CSNK2A2IP: variants seen among roughly 807,000 people sequenced by gnomAD.
The protein encoded by CSNK2A2IP is casein kinase II subunit alpha'-interacting protein.
the CSNK2A2IP span, among the ~76,000 whole-genome samples, chr3:88,385,671 G>A: frequency 6.6e-6 from 1 of 152,176 alleles, no homozygotes; most frequent in Non-Finnish European, 1.5e-5. Context: ...GGTAAAGCAA[G>A]CAAGGGAAAT....
At chr3:88,418,463 T>TGCGCGCGCGCGCGCGC in the CSNK2A2IP span, among the ~76,000 whole-genome samples, 1 of 149,536 alleles carries the variant, frequency 6.7e-6, no homozygotes, top group African/African-American at 2.5e-5. Flanking sequence ...TGTGTGTGTG[T>TGCGCGCGCGCGCGCGC]GCGCGCGGGC....
chr3:88,442,702 G>A, the CSNK2A2IP span, among the ~76,000 whole-genome samples: 4 of 151,898 alleles, frequency 2.6e-5, no homozygotes, highest in Non-Finnish European at 2.9e-5. Flanking sequence ...ATCTTCCCAA[G>A]ATCATAGAGC....
chr3:88,390,988 T>C, the CSNK2A2IP span, among the ~76,000 whole-genome samples: 2 of 152,344 alleles, frequency 1.3e-5, no homozygotes, highest in East Asian at 3.9e-4. Context: ...TGTTCTAGAA[T>C]CAAACTTCCC....
chr3:88,458,141 G>GGTTTTTTTTTTTTTTT, the CSNK2A2IP span, among the ~76,000 whole-genome samples: 3 of 83,304 alleles, frequency 3.6e-5, 1 homozygote, highest in African/African-American at 1.1e-4. Flanking sequence ...TGTAATTGTG[G>GGTTTTTTTTTTTTTTT]TTTTTTTTTT....
At chr3:88,462,652 C>A in the CSNK2A2IP span, among the ~76,000 whole-genome samples, 1 of 152,022 alleles carries the variant, frequency 6.6e-6, no homozygotes. Context: ...GTCTTGGTGT[C>A]TAAATGGCTT....
At chr3:88,376,050 A>C in the CSNK2A2IP span, among the ~76,000 whole-genome samples, 6 of 151,680 alleles carry the variant, frequency 4.0e-5, no homozygotes, top group Non-Finnish European at 7.4e-5. Context: ...GGCTGACCAA[A>C]ATCTATTCTT....
the CSNK2A2IP span, among the ~76,000 whole-genome samples, chr3:88,353,876 G>C: frequency 2.0e-5 from 3 of 152,128 alleles, no homozygotes; most frequent in East Asian, 5.8e-4. Flanking sequence ...CTGTGATATA[G>C]TTTGGATATT....
the CSNK2A2IP span, among the ~76,000 whole-genome samples, chr3:88,427,931 C>T: frequency 1.3e-5 from 2 of 152,104 alleles, no homozygotes; most frequent in Non-Finnish European, 2.9e-5. Flanking sequence ...GGGCCACCAT[C>T]CCCCAGACCC....
chr3:88,431,003 A>T, the CSNK2A2IP span, among the ~76,000 whole-genome samples: 1 of 152,318 alleles, frequency 6.6e-6, no homozygotes, highest in South Asian at 2.1e-4. Context: ...TAATAAAACT[A>T]AGACTTCGAA....
the CSNK2A2IP span, among the ~76,000 whole-genome samples, chr3:88,381,216 A>C: frequency 6.6e-6 from 1 of 152,190 alleles, no homozygotes; most frequent in Non-Finnish European, 1.5e-5. Context: ...CTAGCCAAAA[A>C]ATGTGTTCCT....
chr3:88,394,240 T>G, the CSNK2A2IP span, among the ~76,000 whole-genome samples: 9 of 152,236 alleles, frequency 5.9e-5, no homozygotes, highest in Non-Finnish European at 1.3e-4. Context: ...TTTTCCAAAG[T>G]GAATGTACCA....
chr3:88,439,419 G>C, the CSNK2A2IP span, among the ~76,000 whole-genome samples: 5 of 151,856 alleles, frequency 3.3e-5, no homozygotes, highest in African/African-American at 1.2e-4. Context: ...TTATGGATTG[G>C]TTTGGTTTCA....
At chr3:88,439,239 C>T in the CSNK2A2IP span, among the ~76,000 whole-genome samples, 6 of 152,108 alleles carry the variant, frequency 3.9e-5, no homozygotes, top group Non-Finnish European at 2.9e-5. Flanking sequence ...TAATGTGATG[C>T]CTTGTTAATA....
At chr3:88,354,966 A>C in the CSNK2A2IP span, among the ~76,000 whole-genome samples, 1 of 152,170 alleles carries the variant, frequency 6.6e-6, no homozygotes, top group Non-Finnish European at 1.5e-5. Flanking sequence ...GAGAATAAAA[A>C]GGGCAGAGAG....
the CSNK2A2IP span, among the ~76,000 whole-genome samples, chr3:88,393,366 A>G: frequency 1.3e-5 from 2 of 152,204 alleles, no homozygotes; most frequent in Non-Finnish European, 2.9e-5. Flanking sequence ...ACCTAGAGAT[A>G]GGGATTTGGC....
At chr3:88,367,439 CATG>C in the CSNK2A2IP span, among the ~76,000 whole-genome samples, 5 of 152,102 alleles carry the variant, frequency 3.3e-5, no homozygotes, top group South Asian at 1.0e-3. Flanking sequence ...TGGCTTAACA[CATG>C]ATGTTTTATT....
chr3:88,353,479 C>T, the CSNK2A2IP span, among the ~76,000 whole-genome samples: 6 of 152,148 alleles, frequency 3.9e-5, no homozygotes, highest in Admixed American at 1.3e-4. Flanking sequence ...TTTCACGTCC[C>T]TGCCATGGAA....
chr3:88,357,922 T>A, the CSNK2A2IP span, among the ~76,000 whole-genome samples: 1 of 152,100 alleles, frequency 6.6e-6, no homozygotes, highest in African/African-American at 2.4e-5. Flanking sequence ...AGATGGGGTT[T>A]CACCATGTTG....
At chr3:88,464,232 G>A in the CSNK2A2IP span, among the ~76,000 whole-genome samples, 3 of 151,536 alleles carry the variant, frequency 2.0e-5, no homozygotes, top group African/African-American at 7.3e-5. Context: ...GTTAATGGGT[G>A]CAGCACACCA....
Sources: allele counts gnomAD v4.1 joint callset (sites outside exome capture counted in the v4.1 genomes callset), GRCh38; gene constraint gnomAD v4.1.1; transcripts MANE v1.5; gene names NCBI Gene and HGNC (gene_info 2026-07-23, HGNC 2026-07-21).